FAM193A: variants seen among roughly 807,000 people sequenced by gnomAD.
FAM193A encodes the protein protein FAM193A.
FAM193A carries 22 observed loss-of-function variants against 126.5 expected under a neutral mutation model. That is an observed-to-expected ratio of 0.17 (90% CI 0.12 to 0.25). FAM193A has a LOEUF of 0.25. FAM193A is among the 10% of genes least tolerant of loss of function. FAM193A has a pLI of 1.00. For missense variants in FAM193A, 1,675 were observed against 1,672.8 expected (o/e 1.00, Z -0.02); for synonymous variants, 761 against 646.8 (o/e 1.18, Z -2.68).
At chr4:2,718,961 A>C (rs1262146385) in intron 20 of FAM193A, among the ~76,000 whole-genome samples, 1 of 152,234 alleles carries the variant, frequency 6.6e-6, no homozygotes, top group Non-Finnish European at 1.5e-5. Flanking sequence ...TAACAGTTTT[A>C]CCGAGAATTC....
chr4:2,690,128 T>C (rs142369221), intron 14 of FAM193A, among the ~76,000 whole-genome samples: 2 of 152,344 alleles, frequency 1.3e-5, no homozygotes, highest in Non-Finnish European at 2.9e-5. Flanking sequence ...CTCTGGTTAC[T>C]GCATTGGCGC....
chr4:2,688,676 A>G (rs1716023688), intron 13 of FAM193A, among the ~76,000 whole-genome samples: 1 of 152,174 alleles, frequency 6.6e-6, no homozygotes, highest in Admixed American at 6.5e-5. Context: ...AACAAAGATC[A>G]CTCTGGCTGT....
chr4:2,606,487 G>A (rs1324283499), intron 2 of FAM193A, among the ~76,000 whole-genome samples: 1 of 152,144 alleles, frequency 6.6e-6, no homozygotes, highest in Non-Finnish European at 1.5e-5. Context: ...GAGAATTGTG[G>A]ATATTTTTCT....
intron 15 of FAM193A, among the ~76,000 whole-genome samples, chr4:2,692,289 C>T (rs755359449): frequency 2.0e-5 from 3 of 152,196 alleles, no homozygotes; most frequent in Non-Finnish European, 4.4e-5. Flanking sequence ...AAACCATCAG[C>T]TCTCGTGAGA....
intron 1 of FAM193A, among the ~76,000 whole-genome samples, chr4:2,577,422 G>GGTTTTTTTTTTTTT (rs1739656106): frequency 8.7e-6 from 1 of 115,542 alleles, no homozygotes; most frequent in Non-Finnish European, 1.7e-5. Context: ...TTTTTTTTTT[G>GGTTTTTTTTTTTTT]TTTTTTTTTT....
intron 12 of FAM193A, among the ~76,000 whole-genome samples, chr4:2,668,986 GC>G (rs1314657432): frequency 3.3e-5 from 5 of 152,070 alleles, no homozygotes; most frequent in Non-Finnish European, 7.4e-5. Context: ...GGGATCACAG[GC>G]AAGCACCATG....
At chr4:2,636,425 C>T (rs555114463) in intron 5 of FAM193A, among the ~76,000 whole-genome samples, 2 of 152,020 alleles carry the variant, frequency 1.3e-5, no homozygotes, top group Admixed American at 6.6e-5. Context: ...TACACCAACG[C>T]GGGAGAGTTT....
At chr4:2,714,580 G>A (rs1719344155) in intron 19 of FAM193A, among the ~76,000 whole-genome samples, 1 of 152,092 alleles carries the variant, frequency 6.6e-6, no homozygotes, top group Admixed American at 6.6e-5. Flanking sequence ...GTTGGGATCC[G>A]AGATAGCCAA....
chr4:2,545,063 G>T (rs1216814025), intron 1 of FAM193A, among the ~76,000 whole-genome samples: 1 of 151,982 alleles, frequency 6.6e-6, no homozygotes, highest in Non-Finnish European at 1.5e-5. Flanking sequence ...CGTGATCTCG[G>T]CTCACTGCAA....
At chr4:2,687,921 C>T (rs980271502) in intron 13 of FAM193A, among the ~76,000 whole-genome samples, 1 of 152,212 alleles carries the variant, frequency 6.6e-6, no homozygotes, top group Admixed American at 6.5e-5. Context: ...TCCCTTTGCT[C>T]CTAACCTCTT....
At chr4:2,587,962 G>C (rs1033071332) in intron 1 of FAM193A, among the ~76,000 whole-genome samples, 2 of 152,206 alleles carry the variant, frequency 1.3e-5, no homozygotes, top group Non-Finnish European at 2.9e-5. Context: ...GGTGGGGTCT[G>C]GTTGTGAAGA....
intron 17 of FAM193A, chr4:2,696,151 A>G: frequency 2.0e-6 from 1 of 491,264 alleles, no homozygotes; most frequent in East Asian, 3.5e-5. Flanking sequence ...TTTCATGAAT[A>G]TGTAAAATTT....
At chr4:2,605,538 T>C (rs1741484074) in intron 2 of FAM193A, among the ~76,000 whole-genome samples, 1 of 152,240 alleles carries the variant, frequency 6.6e-6, no homozygotes, top group Non-Finnish European at 1.5e-5. Context: ...ATCTTGCTGA[T>C]TGTGGAGCAC....
chr4:2,598,652 T>C (rs1462942513), intron 2 of FAM193A, among the ~76,000 whole-genome samples: 1 of 152,242 alleles, frequency 6.6e-6, no homozygotes, highest in African/African-American at 2.4e-5. Context: ...TGGTTCTTGC[T>C]TTCTGTTTCT....
At chr4:2,648,335 G>A (rs1024237905) in intron 7 of FAM193A, among the ~76,000 whole-genome samples, 1 of 152,172 alleles carries the variant, frequency 6.6e-6, no homozygotes, top group South Asian at 2.1e-4. Flanking sequence ...GCTGCTGTAC[G>A]CACAGCACGT....
At chr4:2,604,448 G>T (rs1490711152) in intron 2 of FAM193A, among the ~76,000 whole-genome samples, 1 of 152,120 alleles carries the variant, frequency 6.6e-6, no homozygotes, top group Non-Finnish European at 1.5e-5. Flanking sequence ...TACTATGAAT[G>T]TGTCTTTTTC....
intron 16 of FAM193A, among the ~76,000 whole-genome samples, chr4:2,694,304 C>T (rs377480705): frequency 5.9e-5 from 9 of 152,022 alleles, no homozygotes; most frequent in Admixed American, 6.6e-5. Flanking sequence ...GAGTCTCACT[C>T]TGTCGCCCAG....
intron 2 of FAM193A, among the ~76,000 whole-genome samples, chr4:2,601,377 C>T (rs933517832): frequency 1.3e-5 from 2 of 151,510 alleles, no homozygotes; most frequent in African/African-American, 4.9e-5. Flanking sequence ...GGACTGTAGG[C>T]GCGTACCACC....
intron 16 of FAM193A, among the ~76,000 whole-genome samples, chr4:2,694,100 A>AGGTG (rs1716756637): frequency 1.3e-5 from 2 of 152,228 alleles, no homozygotes; most frequent in Admixed American, 1.3e-4. Flanking sequence ...CGCCATGGAT[A>AGGTG]GGTGGGCCAA....
Sources: allele counts gnomAD v4.1 joint callset (sites outside exome capture counted in the v4.1 genomes callset), GRCh38; gene constraint gnomAD v4.1.1; transcripts MANE v1.5; gene names NCBI Gene and HGNC (gene_info 2026-07-23, HGNC 2026-07-21).